Variants in TESC observed in about 807,000 individuals in gnomAD.
TESC encodes the protein tescalcin.
In TESC, 19 loss-of-function variants were observed where a neutral mutation model predicts 31.0. That is an observed-to-expected ratio of 0.61 (90% CI 0.43 to 0.90). The LOEUF (loss-of-function observed/expected upper bound fraction) is 0.90, where lower values mean the gene tolerates loss of function less well. Ranked by LOEUF, TESC falls within the 40% of genes least tolerant of loss-of-function variation. The pLI is 0.00. For synonymous variants in TESC, 109 were observed against 114.8 expected, an observed-to-expected ratio of 0.95 and a Z score of 0.32; for missense variants, 248 against 303.8, an observed-to-expected ratio of 0.82 and a Z score of 1.36.
intron 1 of TESC, among the ~76,000 whole-genome samples, chr12:117,075,855 A>ATATATATATGTGTG (rs1565971329): frequency 1.7e-4 from 9 of 54,268 alleles, no homozygotes; most frequent in African/African-American, 6.6e-4. Context: ...GTGTATATAT[A>ATATATATATGTGTG]TATATATATA....
At chr12:117,044,881 A>G (rs1954534258) in intron 6 of TESC, among the ~76,000 whole-genome samples, 1 of 151,592 alleles carries the variant, frequency 6.6e-6, no homozygotes, top group Non-Finnish European at 1.5e-5. Flanking sequence ...TGGGCGGCAG[A>G]GTAAGACTTG....
intron 6 of TESC, among the ~76,000 whole-genome samples, chr12:117,042,230 G>A (rs1203506748): frequency 4.6e-5 from 7 of 152,284 alleles, no homozygotes; most frequent in East Asian, 1.9e-4. Flanking sequence ...GATGGGAGCC[G>A]AGCGTCGCTC....
At chr12:117,072,203 T>C (rs1954983983) in intron 2 of TESC, among the ~76,000 whole-genome samples, 1 of 152,056 alleles carries the variant, frequency 6.6e-6, no homozygotes, top group Non-Finnish European at 1.5e-5. Flanking sequence ...GGTGGAAGAA[T>C]AGCCCCATTT....
At chr12:117,071,270 C>A (rs954161232) in intron 2 of TESC, among the ~76,000 whole-genome samples, 2 of 152,230 alleles carry the variant, frequency 1.3e-5, no homozygotes, top group South Asian at 4.1e-4. Context: ...AGCACTCTCA[C>A]AGCACCTACT....
Position 117,075,891 on chromosome 12 carries a change from A to ATG in TESC, c.59-552_59-551insCA, listed in dbSNP as rs1261411652. Among the ~76,000 whole-genome samples the ATG allele has an allele frequency of 3.8e-3, 265 of 69,076 alleles. 10 individuals are homozygous for ATG. Among genetic ancestry groups the ATG allele is most frequent in the Middle Eastern group, 6.5e-3 (1 of 154 alleles). 45.3% of individuals were successfully genotyped at this position (69,076 alleles called of 152,430 possible). A position where few individuals can be genotyped will look rare whatever the true frequency, so the allele number is the denominator to read the frequency against. On this transcript the variant is annotated intron_variant, in intron 1 of 7. Transcript: ENST00000335209. ...TATATGTGTGTATATATATATATAT[A>ATG]TATATATATATATATATATATATGT...
At position 117,089,351 on chromosome 12, in the gene TESC, T is replaced by C. The variant is rs567785619; in HGVS notation, c.58+9874A>G. On this transcript the variant is annotated intron_variant, in intron 1 of 7. Transcript: ENST00000335209. Reference sequence around the variant, plus strand: ...GGCACACAGGAATCCTGTGGGGTGGTAGGGGGAAGGGCCAAGGGGAGTTGG... The same window carrying C: ...GGCACACAGGAATCCTGTGGGGTGGCAGGGGGAAGGGCCAAGGGGAGTTGG... 2.6e-5 allele frequency among the ~76,000 whole-genome samples: 4 copies of C among 151,996 alleles called. No homozygotes were observed. In the East Asian group the frequency reaches 5.8e-4, roughly 22 times the overall value.
chr12:117,055,206 A>G (rs1384775059), intron 3 of TESC, among the ~76,000 whole-genome samples: 1 of 152,134 alleles, frequency 6.6e-6, no homozygotes, highest in Non-Finnish European at 1.5e-5. Context: ...CAGTGGTGCA[A>G]TCTCGACTTA....
chr12:117,091,374 T>C (rs1955304688), intron 1 of TESC, among the ~76,000 whole-genome samples: 1 of 152,224 alleles, frequency 6.6e-6, no homozygotes. Context: ...AAGAGCATCT[T>C]ATCAACACCC....
At chr12:117,048,717 G>C (rs1156414148) in intron 4 of TESC, 3 of 546,030 alleles carry the variant, frequency 5.5e-6, no homozygotes, top group Non-Finnish European at 1.0e-5. Flanking sequence ...CACATGGCTG[G>C]TGAGACGGGC....
intron 1 of TESC, chr12:117,098,721 A>G (rs921869851): frequency 6.6e-6 from 1 of 152,428 alleles, no homozygotes; most frequent in Non-Finnish European, 1.5e-5. Flanking sequence ...CCCATTTTAC[A>G]GATGCGAGGA....
Position 117,049,162 on chromosome 12 carries a change from C to T in TESC, c.210-4G>A, listed in dbSNP as rs368694775. 62 of 1,614,128 alleles carry T rather than the reference C, an allele frequency of 3.8e-5. No individual in the cohort carries two copies. The highest frequency in any genetic ancestry group is 3.7e-4 in the African/African-American group (28 of 75,044). On this transcript the variant is annotated splice_region_variant and splice_polypyrimidine_tract_variant and intron_variant, in intron 3 of 7. Transcript: ENST00000335209. ...ACTGGGTCCCTTGCGCAGGTTCCTA[C>T]GGGAGCAACAAGGAGGGTGTTGGAA...
intron 2 of TESC, among the ~76,000 whole-genome samples, chr12:117,072,974 T>G (rs933468234): frequency 1.3e-5 from 2 of 152,158 alleles, no homozygotes; most frequent in Non-Finnish European, 2.9e-5. Flanking sequence ...GAAAGGGTCT[T>G]GCTATGTTGC....
At chr12:117,054,864 A>C (rs1369429046) in intron 3 of TESC, among the ~76,000 whole-genome samples, 2 of 152,158 alleles carry the variant, frequency 1.3e-5, no homozygotes, top group Non-Finnish European at 2.9e-5. Context: ...ACCGTGGGGC[A>C]AACAGGCTGG....
intron 2 of TESC, among the ~76,000 whole-genome samples, chr12:117,057,334 A>G (rs1426237105): frequency 1.3e-5 from 2 of 152,098 alleles, no homozygotes; most frequent in Non-Finnish European, 2.9e-5. Context: ...TCCTGGGCTC[A>G]AGTGATCCTC....
chr12:117,079,494 G>A (rs981968802), intron 1 of TESC, among the ~76,000 whole-genome samples: 4 of 151,848 alleles, frequency 2.6e-5, no homozygotes, highest in Middle Eastern at 3.2e-3. Context: ...CCCGGGAGGC[G>A]GAGGTTGCAG....
chr12:117,045,528 C>A (rs1002873263), intron 6 of TESC, among the ~76,000 whole-genome samples: 7 of 152,184 alleles, frequency 4.6e-5, no homozygotes, highest in Non-Finnish European at 8.8e-5. Flanking sequence ...CTGCTGAGTG[C>A]GGAGGTTTCA....
intron 1 of TESC, among the ~76,000 whole-genome samples, chr12:117,088,486 G>A (rs1955251815): frequency 6.6e-6 from 1 of 152,094 alleles, no homozygotes; most frequent in Non-Finnish European, 1.5e-5. Flanking sequence ...TTTGAGACCA[G>A]CCTGGCCAAC....
chr12:117,095,141 C>G (rs986534607), intron 1 of TESC, among the ~76,000 whole-genome samples: 6 of 151,990 alleles, frequency 3.9e-5, no homozygotes, highest in African/African-American at 1.4e-4. Flanking sequence ...GTGGCATGCT[C>G]TCAGCTCACC....
intron 2 of TESC, among the ~76,000 whole-genome samples, chr12:117,063,998 C>G (rs1954836009): frequency 6.6e-6 from 1 of 152,190 alleles, no homozygotes; most frequent in South Asian, 2.1e-4. Context: ...ATTCATGGCT[C>G]ACTGCAGCCT....
Sources: allele counts gnomAD v4.1 joint callset (sites outside exome capture counted in the v4.1 genomes callset), GRCh38; gene constraint gnomAD v4.1.1; transcripts MANE v1.5; gene names NCBI Gene and HGNC (gene_info 2026-07-23, HGNC 2026-07-21).